Variants in GRID1 observed in about 807,000 individuals in gnomAD.
GRID1 encodes glutamate ionotropic receptor delta type subunit 1.
A neutral mutation model predicts 98.0 loss-of-function variants in GRID1; 28 were observed. The ratio of observed to expected loss-of-function variants is 0.29; its 90% CI spans 0.21 to 0.39. The LOEUF is 0.39. GRID1 is among the 10% of genes least tolerant of loss of function. The probability of loss-of-function intolerance (pLI) is 1.00; values close to 1 mark genes in which losing one functional copy is unlikely to be tolerated. For missense variants in GRID1, 1,111 were observed against 1,340.5 expected, an observed-to-expected ratio of 0.83 and a Z score of 2.67; for synonymous variants, 553 against 538.5, an observed-to-expected ratio of 1.03 and a Z score of -0.37.
chr10:85,908,417 T>C (rs1187018232), intron 5 of GRID1, among the ~76,000 whole-genome samples: 1 of 152,208 alleles, frequency 6.6e-6, no homozygotes, highest in Non-Finnish European at 1.5e-5. Flanking sequence ...AAATTAAAAT[T>C]TGTTTTAAAC....
chr10:85,880,977 T>C (rs948335894), intron 5 of GRID1, among the ~76,000 whole-genome samples: 8 of 151,996 alleles, frequency 5.3e-5, no homozygotes, highest in Non-Finnish European at 8.8e-5. Flanking sequence ...TATACACCAA[T>C]AACAGACAAA....
chr10:86,148,337 G>T (rs543541626), intron 3 of GRID1, among the ~76,000 whole-genome samples: 1 of 152,296 alleles, frequency 6.6e-6, no homozygotes, highest in South Asian at 2.1e-4. Flanking sequence ...TGAGCCTGGA[G>T]CAGATTATGC....
chr10:85,983,887 T>C (rs1842576569), intron 4 of GRID1, among the ~76,000 whole-genome samples: 1 of 152,094 alleles, frequency 6.6e-6, no homozygotes, highest in South Asian at 2.1e-4. Flanking sequence ...CCCTTTCTTT[T>C]CAGGCTTCAC....
chr10:85,992,946 C>A (rs996561329), intron 4 of GRID1, among the ~76,000 whole-genome samples: 9 of 151,958 alleles, frequency 5.9e-5, no homozygotes, highest in East Asian at 1.9e-4. Flanking sequence ...CAAGTGGGAC[C>A]CTGTCTCTAA....
chr10:86,215,586 T>C (rs1846166567), intron 2 of GRID1, among the ~76,000 whole-genome samples: 1 of 152,068 alleles, frequency 6.6e-6, no homozygotes, highest in Admixed American at 6.5e-5. Flanking sequence ...GTCCTGGGCA[T>C]GCCTGCAGGG....
At chr10:86,146,716 C>T (rs1270045928) in intron 3 of GRID1, among the ~76,000 whole-genome samples, 1 of 152,168 alleles carries the variant, frequency 6.6e-6, no homozygotes, top group African/African-American at 2.4e-5. Flanking sequence ...TCCAGAGCAG[C>T]AGAATTTTAA....
intron 4 of GRID1, among the ~76,000 whole-genome samples, chr10:86,132,546 T>G (rs181705465): frequency 1.7e-4 from 26 of 152,352 alleles, no homozygotes; most frequent in Admixed American, 1.5e-3. Flanking sequence ...CTCCTATAAT[T>G]AATTAGTAAT....
chr10:85,693,010 G>A (rs1354095537), intron 12 of GRID1, among the ~76,000 whole-genome samples: 1 of 152,136 alleles, frequency 6.6e-6, no homozygotes, highest in African/African-American at 2.4e-5. Flanking sequence ...ATGAATAAGC[G>A]ATGACTGACC....
At chr10:85,684,426 G>A (rs1304976078) in intron 12 of GRID1, among the ~76,000 whole-genome samples, 1 of 151,974 alleles carries the variant, frequency 6.6e-6, no homozygotes, top group East Asian at 1.9e-4. Context: ...ATGCAAAGTT[G>A]GTTTAAAATT....
At chr10:86,324,777 C>CAAAA (rs58937237) in intron 2 of GRID1, among the ~76,000 whole-genome samples, 1 of 147,470 alleles carries the variant, frequency 6.8e-6, no homozygotes, top group African/African-American at 2.5e-5. Flanking sequence ...ATAAAATCTT[C>CAAAA]AAAAAAAAAT....
intron 8 of GRID1, among the ~76,000 whole-genome samples, chr10:85,744,149 A>G (rs1841975865): frequency 1.3e-5 from 2 of 152,170 alleles, no homozygotes; most frequent in African/African-American, 4.8e-5. Context: ...GACTTCATAC[A>G]TATTTAAAAT....
chr10:85,881,551 T>C (rs187782495), intron 5 of GRID1, among the ~76,000 whole-genome samples: 36,943 of 151,908 alleles, frequency 0.24, 4,500 homozygotes, highest in African/African-American at 0.27. Context: ...TAAATGGTGC[T>C]GGGAAAACTG....
chr10:85,972,879 T>C (rs1481156445), intron 4 of GRID1, among the ~76,000 whole-genome samples: 2 of 152,196 alleles, frequency 1.3e-5, no homozygotes, highest in Non-Finnish European at 2.9e-5. Flanking sequence ...AAGTCACCAG[T>C]TTTATCACAA....
intron 2 of GRID1, among the ~76,000 whole-genome samples, chr10:86,307,521 G>T (rs1473090673): frequency 6.6e-6 from 1 of 152,180 alleles, no homozygotes; most frequent in East Asian, 1.9e-4. Flanking sequence ...TAGAAAGGTG[G>T]TTGCCAGGAG....
Position 85,856,110 on chromosome 10 carries a change from A to G in GRID1, c.1032T>C (p.His344=). The change falls in exon 7 of 16, where the codon CAT becomes CAC. Residue 344 remains histidine (H), a synonymous_variant. Coordinates refer to ENST00000327946, the MANE Select transcript of GRID1 (RefSeq NM_017551.3). ...FHRKLEDRKW[H]SMASLNCIRK... ...GTATGCAGTTGAGGCTCGCCATGCT[A>G]TGCCACTTCCGGTCCTCCAGCTTCC... is the stretch of plus-strand genomic sequence containing the variant. 1 of 1,614,074 alleles carries G rather than the reference A, an allele frequency of 6.2e-7. No homozygotes were observed. Among genetic ancestry groups the G allele is most frequent in the Non-Finnish European group, 8.5e-7 (1 of 1,179,942 alleles).
intron 4 of GRID1, among the ~76,000 whole-genome samples, chr10:86,098,515 A>C (rs1844252678): frequency 6.6e-6 from 1 of 152,258 alleles, no homozygotes; most frequent in South Asian, 2.1e-4. Context: ...TCATGCAGAA[A>C]GCTTCCTTAG....
intron 10 of GRID1, among the ~76,000 whole-genome samples, chr10:85,727,219 A>G (rs1841770107): frequency 1.3e-5 from 2 of 152,148 alleles, no homozygotes; most frequent in African/African-American, 2.4e-5. Context: ...AAATTGTCAG[A>G]ATGGTGGCAG....
At chr10:86,259,919 T>C (rs534460515) in intron 2 of GRID1, among the ~76,000 whole-genome samples, 32 of 152,386 alleles carry the variant, frequency 2.1e-4, no homozygotes, top group Admixed American at 1.2e-3. Flanking sequence ...CCTGGCTCAC[T>C]AGGATTTCTC....
At chr10:85,949,272 A>T (rs1405409358) in intron 4 of GRID1, among the ~76,000 whole-genome samples, 1 of 152,182 alleles carries the variant, frequency 6.6e-6, no homozygotes, top group African/African-American at 2.4e-5. Context: ...TTATTCCCCA[A>T]TCTCATTTCC....
Sources: allele counts gnomAD v4.1 joint callset (sites outside exome capture counted in the v4.1 genomes callset), GRCh38; gene constraint gnomAD v4.1.1; transcripts MANE v1.5; gene names NCBI Gene and HGNC (gene_info 2026-07-23, HGNC 2026-07-21).